QTMAN: variants seen among roughly 807,000 people sequenced by gnomAD.
QTMAN encodes the protein queuosine-tRNA mannosyltransferase.
the QTMAN span, among the ~76,000 whole-genome samples, chr2:144,002,781 A>G: frequency 1.3e-5 from 2 of 151,934 alleles, no homozygotes; most frequent in Non-Finnish European, 2.9e-5. Context: ...ACCTTTAAGG[A>G]ACTCCTACTT....
the QTMAN span, among the ~76,000 whole-genome samples, chr2:144,305,455 C>A: frequency 6.6e-6 from 1 of 152,114 alleles, no homozygotes; most frequent in Non-Finnish European, 1.5e-5. Context: ...TTCCAGTGAC[C>A]TATATGTCTA....
chr2:144,055,396 G>C, the QTMAN span, among the ~76,000 whole-genome samples: 12 of 149,734 alleles, frequency 8.0e-5, no homozygotes, highest in Non-Finnish European at 1.6e-4. Context: ...CTTCTAAAAC[G>C]GATTCAAGTG....
At chr2:144,302,674 G>A in the QTMAN span, among the ~76,000 whole-genome samples, 9 of 152,148 alleles carry the variant, frequency 5.9e-5, no homozygotes, top group African/African-American at 1.4e-4. Context: ...TCAGAACACC[G>A]GCCTATGGCA....
the QTMAN span, among the ~76,000 whole-genome samples, chr2:144,086,597 C>T: frequency 6.6e-6 from 1 of 152,140 alleles, no homozygotes; most frequent in South Asian, 2.1e-4. Flanking sequence ...ATTTCAAAGG[C>T]CCAATTTTAC....
At chr2:144,332,348 C>T in the QTMAN span, 3 of 148,906 alleles carry the variant, frequency 2.0e-5, no homozygotes, top group East Asian at 6.0e-4. Context: ...AGCGCGGCCC[C>T]GCGAGGCGGG....
chr2:144,062,248 T>C, the QTMAN span, among the ~76,000 whole-genome samples: 1 of 152,248 alleles, frequency 6.6e-6, no homozygotes, highest in Admixed American at 6.5e-5. Context: ...CCTGTTCATC[T>C]GTGTGCTCCC....
the QTMAN span, chr2:144,177,262 A>G: frequency 1.5e-6 from 1 of 665,994 alleles, no homozygotes; most frequent in Non-Finnish European, 2.7e-6. Context: ...TAAAAAAAAA[A>G]AAAACATTGT....
chr2:144,254,925 AG>A, the QTMAN span, among the ~76,000 whole-genome samples: 1 of 152,228 alleles, frequency 6.6e-6, no homozygotes, highest in Admixed American at 6.5e-5. Context: ...TGGGGCCTGT[AG>A]CCCCTTTGTT....
At chr2:144,242,025 C>T in the QTMAN span, among the ~76,000 whole-genome samples, 40 of 152,070 alleles carry the variant, frequency 2.6e-4, no homozygotes, top group African/African-American at 9.4e-4. Context: ...AGGCATGACA[C>T]CAGGAAGTGG....
At chr2:143,976,782 G>A in the QTMAN span, among the ~76,000 whole-genome samples, 1 of 152,152 alleles carries the variant, frequency 6.6e-6, no homozygotes, top group African/African-American at 2.4e-5. Context: ...CCCTACAGGT[G>A]CTCCTCACCA....
At chr2:144,192,872 AT>A in the QTMAN span, among the ~76,000 whole-genome samples, 1 of 152,206 alleles carries the variant, frequency 6.6e-6, no homozygotes, top group African/African-American at 2.4e-5. Flanking sequence ...ACATTAGAAC[AT>A]TTATTTTCAT....
the QTMAN span, chr2:144,317,445 T>A: frequency 7.9e-6 from 1 of 126,034 alleles, no homozygotes; most frequent in South Asian, 2.6e-4. Flanking sequence ...GACAATAAAA[T>A]GAATACAGCA....
chr2:144,036,506 A>G, the QTMAN span, among the ~76,000 whole-genome samples: 14 of 152,306 alleles, frequency 9.2e-5, no homozygotes, highest in African/African-American at 2.9e-4. Context: ...GAACACAAAC[A>G]AGATTATATA....
At chr2:144,274,090 C>T in the QTMAN span, among the ~76,000 whole-genome samples, 4 of 152,192 alleles carry the variant, frequency 2.6e-5, no homozygotes, top group African/African-American at 7.2e-5. Context: ...GCCGAGATCA[C>T]GCCACTACAC....
the QTMAN span, among the ~76,000 whole-genome samples, chr2:144,144,832 A>G: frequency 6.6e-6 from 1 of 151,950 alleles, no homozygotes; most frequent in South Asian, 2.1e-4. Context: ...GTTAATAAAG[A>G]TAAATAAAAT....
chr2:144,092,177 CTT>C, the QTMAN span, among the ~76,000 whole-genome samples: 4 of 143,440 alleles, frequency 2.8e-5, no homozygotes, highest in African/African-American at 2.5e-5. Flanking sequence ...AATTGTACAT[CTT>C]TTTTTTTTTT....
At chr2:144,143,974 C>A in the QTMAN span, among the ~76,000 whole-genome samples, 6 of 151,858 alleles carry the variant, frequency 4.0e-5, no homozygotes, top group Non-Finnish European at 7.4e-5. Flanking sequence ...AACAGGACTG[C>A]CTTTTGACAC....
the QTMAN span, chr2:143,952,133 T>C: frequency 1.1e-6 from 1 of 924,496 alleles, no homozygotes; most frequent in Non-Finnish European, 1.8e-6. Flanking sequence ...ACACTCGATA[T>C]TAGTCACTTT....
the QTMAN span, among the ~76,000 whole-genome samples, chr2:144,297,199 A>T: frequency 6.6e-6 from 1 of 152,218 alleles, no homozygotes; most frequent in African/African-American, 2.4e-5. Flanking sequence ...ACCATCACCC[A>T]GCTTCAACAA....
Sources: allele counts gnomAD v4.1 joint callset (sites outside exome capture counted in the v4.1 genomes callset), GRCh38; gene constraint gnomAD v4.1.1; transcripts MANE v1.5; gene names NCBI Gene and HGNC (gene_info 2026-07-23, HGNC 2026-07-21).